The following TERB1 variants were observed in gnomAD, a reference collection of about 807,000 sequenced individuals.
TERB1 encodes telomere repeat binding bouquet formation protein 1.
TERB1 carries 63 observed loss-of-function variants against 92.3 expected under a neutral mutation model. That is an observed-to-expected ratio of 0.68 (90% CI 0.56 to 0.84). TERB1 has a LOEUF of 0.84. Among genes scored for constraint, TERB1 ranks in the 40% least tolerant of loss-of-function variants. The pLI, the probability that TERB1 is intolerant of heterozygous loss-of-function variation, is 0.00. For synonymous variants in TERB1, 252 were observed against 283.9 expected, an observed-to-expected ratio of 0.89 and a Z score of 1.13; for missense variants, 709 against 843.7, an observed-to-expected ratio of 0.84 and a Z score of 1.98.
intron 14 of TERB1, 47 bp from the exon 15 acceptor site, chr16:66,768,215 G>C (rs753909358): frequency 5.1e-6 from 7 of 1,372,248 alleles, no homozygotes; most frequent in Admixed American, 2.0e-5. Flanking sequence ...CATACTGTTT[G>C]GTGTGCGGAC....
At chr16:66,796,090 C>T (rs145417545) in intron 3 of TERB1, among the ~76,000 whole-genome samples, 2,168 of 152,292 alleles carry the variant, frequency 0.014, 26 homozygotes, top group Non-Finnish European at 0.02. Flanking sequence ...GTAAGCAATT[C>T]ATACTGTGTG....
At chr16:66,765,928 G>A (rs868688426) in intron 16 of TERB1, among the ~76,000 whole-genome samples, 7 of 130,950 alleles carry the variant, frequency 5.3e-5, no homozygotes, top group Middle Eastern at 4.6e-3. Context: ...GCGGACTGCA[G>A]TGGCGCAATC....
chr16:66,776,909 A>G (rs2018558316), intron 11 of TERB1, among the ~76,000 whole-genome samples: 1 of 118,562 alleles, frequency 8.4e-6, no homozygotes, highest in African/African-American at 3.7e-5. Flanking sequence ...AACCACTGCA[A>G]TAATATTGGT....
intron 16 of TERB1, among the ~76,000 whole-genome samples, chr16:66,761,628 C>CA (rs2018252088): frequency 1.3e-5 from 2 of 149,752 alleles, no homozygotes; most frequent in Non-Finnish European, 1.5e-5. Context: ...CTGTCCCTAC[C>CA]AAAAAAAATA....
chr16:66,793,019 T>A (rs1438766969), intron 3 of TERB1, among the ~76,000 whole-genome samples: 1 of 151,222 alleles, frequency 6.6e-6, no homozygotes, highest in East Asian at 1.9e-4. Context: ...AAATTTTATT[T>A]TATTTTATTT....
intron 16 of TERB1, among the ~76,000 whole-genome samples, chr16:66,764,381 C>T (rs1246412406): frequency 6.6e-6 from 1 of 152,088 alleles, no homozygotes; most frequent in Non-Finnish European, 1.5e-5. Context: ...TTTGAAATAA[C>T]CATAGCACAT....
chr16:66,755,174 A>C lies in TERB1; in HGVS notation c.1997-11T>G, dbSNP rs757878801. The C allele has an allele frequency of 1.4e-6, 2 of 1,450,782 alleles. No individual in the cohort carries two copies. Among genetic ancestry groups the C allele is most frequent in the Middle Eastern group, 2.0e-4 (1 of 4,986 alleles). 89.9% of individuals were successfully genotyped at this position (1,450,782 alleles called of 1,614,324 possible). On this transcript the variant is annotated splice_polypyrimidine_tract_variant and intron_variant, in intron 18 of 18. Coordinates refer to ENST00000433154, the MANE Select transcript of TERB1 (RefSeq NM_001136505.2). Reference sequence around the variant, plus strand: ...GAATTCTTCTTTTTTCTATAATTAGAATTGTAGAATATATTAGTATTTGCT... The same window carrying C: ...GAATTCTTCTTTTTTCTATAATTAGCATTGTAGAATATATTAGTATTTGCT...
Position 66,768,160 on chromosome 16 carries a change from A to G in TERB1, c.1628T>C (p.Val543Ala). 2 of 1,548,618 alleles carry G rather than the reference A, an allele frequency of 1.3e-6. No individual in the cohort carries two copies. Among genetic ancestry groups the G allele is most frequent in the Non-Finnish European group, 1.7e-6 (2 of 1,144,242 alleles). The change falls in exon 15 of 19, where the codon GTT (valine) becomes GCT (alanine). Residue 543 changes from valine to alanine, a missense_variant. By Grantham distance (64) the Val-to-Ala change is moderately conservative. Coordinates refer to ENST00000433154, the MANE Select transcript of TERB1 (RefSeq NM_001136505.2). ...KNFVSQSSDH[V>A]FKHPVHIAKN... Reference sequence around the variant, plus strand: ...GGCAATGTGAACTGGGTGTTTAAAAACATGGTCACTAAAAGAAAATAGACA... The same window carrying G: ...GGCAATGTGAACTGGGTGTTTAAAAGCATGGTCACTAAAAGAAAATAGACA...
Position 66,790,529 on chromosome 16 carries a change from T to C in TERB1, c.271+66A>G, listed in dbSNP as rs1014928748. On this transcript the variant is annotated intron_variant, in intron 5 of 18. Coordinates refer to ENST00000433154, the MANE Select transcript of TERB1 (RefSeq NM_001136505.2). ...AAAGGAAATTAACTATAAAATTAGTTTTGAGTATACTGTTAAAATATAACA... is the reference window on the plus strand; with the variant it reads ...AAAGGAAATTAACTATAAAATTAGTCTTGAGTATACTGTTAAAATATAACA... The C allele has an allele frequency of 2.5e-6, 3 of 1,219,696 alleles. No individual in the cohort carries two copies. The African/African-American group carries it at 4.7e-5, about 19-fold the overall frequency. 75.6% of individuals were successfully genotyped at this position (1,219,696 alleles called of 1,614,324 possible).
intron 16 of TERB1, among the ~76,000 whole-genome samples, chr16:66,765,849 ATTTTTTTTTTTT>A (rs10564947): frequency 1.4e-4 from 9 of 62,502 alleles, no homozygotes; most frequent in Admixed American, 1.1e-3. Context: ...ACTATTGGGT[ATTTTTTTTTTTT>A]TTTTTTTTTT....
chr16:66,771,816 A>G (rs1956566172), intron 13 of TERB1, among the ~76,000 whole-genome samples: 1 of 152,218 alleles, frequency 6.6e-6, no homozygotes, highest in Non-Finnish European at 1.5e-5. Flanking sequence ...AGACAATTAA[A>G]ATAATAAAAT....
chr16:66,772,681 T>C lies in TERB1; in HGVS notation c.1180A>G (p.Ile394Val). Residue 394 changes from isoleucine (I) to valine (V), a missense_variant, in exon 13 of 19, where the codon ATA becomes GTA. Transcript: ENST00000433154. ...TCAAGATTATTCTCCTTCACACTTA[T>C]GTCCTTTAATTGCTGTGTTTCATTT... Reference protein sequence around the residue: ...DENETQQLKDISVKENNLEEH... With the variant: ...DENETQQLKDVSVKENNLEEH... 5 of 1,549,646 alleles carry C rather than the reference T, an allele frequency of 3.2e-6. No homozygotes were observed. Among genetic ancestry groups the C allele is most frequent in the East Asian group, 2.4e-5 (1 of 40,856 alleles).
intron 16 of TERB1, among the ~76,000 whole-genome samples, chr16:66,760,130 C>CAAAAAAAAAAA (rs148772308): frequency 1.7e-4 from 4 of 23,362 alleles, no homozygotes; most frequent in Admixed American, 6.7e-4. Context: ...GACTCCATCT[C>CAAAAAAAAAAA]AAAAAAAAAA....
intron 9 of TERB1, among the ~76,000 whole-genome samples, chr16:66,779,741 T>C (rs1395841719): frequency 6.6e-6 from 1 of 152,242 alleles, no homozygotes; most frequent in Non-Finnish European, 1.5e-5. Flanking sequence ...TTTTCTGCAA[T>C]CCAACATAAC....
At chr16:66,796,563 A>G (rs1381437341) in intron 3 of TERB1, among the ~76,000 whole-genome samples, 1 of 152,226 alleles carries the variant, frequency 6.6e-6, no homozygotes, top group Non-Finnish European at 1.5e-5. Context: ...CAACTATCAC[A>G]TGATATTCTA....
At chr16:66,794,761 T>A (rs1430764096) in intron 3 of TERB1, among the ~76,000 whole-genome samples, 1 of 151,842 alleles carries the variant, frequency 6.6e-6, no homozygotes, top group African/African-American at 2.4e-5. Context: ...ATACAAAAAA[T>A]TAGCTGGGCG....
At chr16:66,789,457 G>A (rs1211074319) in intron 5 of TERB1, among the ~76,000 whole-genome samples, 1 of 74,376 alleles carries the variant, frequency 1.3e-5, no homozygotes, top group Non-Finnish European at 2.4e-5. Flanking sequence ...GGTAGCGGGC[G>A]CCTGTAGTCC....
intron 9 of TERB1, among the ~76,000 whole-genome samples, chr16:66,780,969 A>ATTTTTT (rs1178250092): frequency 0.037 from 3,834 of 103,346 alleles, 167 homozygotes; most frequent in African/African-American, 0.14. Context: ...TAACATGACC[A>ATTTTTT]CTTTTTAACA....
At chr16:66,774,186 G>GTT (rs34258271) in intron 12 of TERB1, among the ~76,000 whole-genome samples, 2,837 of 90,648 alleles carry the variant, frequency 0.031, 207 homozygotes, top group African/African-American at 0.088. Context: ...CAGCCCAAAC[G>GTT]TTTTTTTTTT....
Sources: gnomAD v4.1 joint callset for allele counts (sites outside exome capture counted in the v4.1 genomes callset) on GRCh38, gnomAD v4.1.1 for gene constraint, MANE v1.5 for transcripts, NCBI Gene and HGNC (gene_info 2026-07-23, HGNC 2026-07-21) for gene names.